Variants in DSCAM observed in about 807,000 individuals in gnomAD.
The protein encoded by DSCAM is DS cell adhesion molecule.
A neutral mutation model predicts 217.7 loss-of-function variants in DSCAM; 47 were observed. The ratio of observed to expected loss-of-function variants is 0.22; its 90% CI spans 0.17 to 0.28. DSCAM has a LOEUF of 0.28. Ranked by LOEUF, DSCAM falls within the 10% of genes least tolerant of loss-of-function variation. The pLI is 1.00. For synonymous variants in DSCAM, 1,056 were observed against 1,015.3 expected (o/e 1.04, Z -0.76); for missense variants, 2,080 against 2,618.3 (o/e 0.79, Z 4.49).
rs762623187 is a variant in DSCAM, at chr21:40,093,808, G to A, written c.3763C>T (p.Arg1255Cys). ...SYRIPNLSRNRQYSVWVVAVT... is the reference protein window; with the variant it reads ...SYRIPNLSRNCQYSVWVVAVT... ...GCCACCACCCAGACGCTGTACTGACGATTCCTACTCAGGTTGGGAATTCTG... is the reference window on the plus strand; with the variant it reads ...GCCACCACCCAGACGCTGTACTGACAATTCCTACTCAGGTTGGGAATTCTG... The change falls in exon 21 of 33, where the codon CGT becomes TGT. Residue 1255 changes from arginine to cysteine, a missense_variant. Physicochemically the swap from Arg to Cys is radical, Grantham distance 180. Coordinates refer to ENST00000400454, the MANE Select transcript of DSCAM (RefSeq NM_001389.5). 7.4e-6 allele frequency: 12 copies of A among 1,613,810 alleles called. No individual in the cohort carries two copies. Among genetic ancestry groups the A allele is most frequent in the African/African-American group, 2.7e-5 (2 of 74,854 alleles).
chr21:40,670,308 T>C (rs560480895), intron 3 of DSCAM, among the ~76,000 whole-genome samples: 3 of 152,300 alleles, frequency 2.0e-5, no homozygotes, highest in East Asian at 3.9e-4. Context: ...TCTAACTTTC[T>C]GCCTCTGTAA....
At chr21:40,182,591 G>A (rs950194071) in intron 14 of DSCAM, among the ~76,000 whole-genome samples, 1 of 148,116 alleles carries the variant, frequency 6.8e-6, no homozygotes, top group South Asian at 2.2e-4. Flanking sequence ...GGACAGGAGG[G>A]GCCAGCAGAG....
chr21:40,737,592 G>C (rs974119439), intron 1 of DSCAM, among the ~76,000 whole-genome samples: 2 of 152,182 alleles, frequency 1.3e-5, no homozygotes, highest in Non-Finnish European at 2.9e-5. Context: ...AGTGAGCCGA[G>C]ATTGCACCAC....
At chr21:40,478,539 G>A (rs1429824765) in intron 3 of DSCAM, among the ~76,000 whole-genome samples, 1 of 152,114 alleles carries the variant, frequency 6.6e-6, no homozygotes. Flanking sequence ...GCCACTTTTT[G>A]TTACATATAA....
intron 3 of DSCAM, among the ~76,000 whole-genome samples, chr21:40,574,840 T>C (rs562176657): frequency 6.6e-6 from 1 of 152,096 alleles, no homozygotes; most frequent in South Asian, 2.1e-4. Context: ...CCCAAGTAGC[T>C]GGGATTACAG....
intron 2 of DSCAM, among the ~76,000 whole-genome samples, chr21:40,695,931 A>G (rs1180266905): frequency 6.6e-6 from 1 of 152,130 alleles, no homozygotes; most frequent in African/African-American, 2.4e-5. Flanking sequence ...ATTGCTGTCT[A>G]TGGCGATATA....
intron 2 of DSCAM, among the ~76,000 whole-genome samples, chr21:40,693,303 G>A (rs1260679862): frequency 1.3e-5 from 2 of 152,046 alleles, no homozygotes; most frequent in African/African-American, 2.4e-5. Flanking sequence ...GGGCATGGTG[G>A]TGTGTGATTG....
At chr21:40,459,903 T>A (rs1441163570) in intron 3 of DSCAM, among the ~76,000 whole-genome samples, 1 of 152,102 alleles carries the variant, frequency 6.6e-6, no homozygotes, top group Non-Finnish European at 1.5e-5. Context: ...CTGGAACTTG[T>A]GGAAAAAACT....
At chr21:40,562,466 A>G (rs1360951921) in intron 3 of DSCAM, among the ~76,000 whole-genome samples, 1 of 152,136 alleles carries the variant, frequency 6.6e-6, no homozygotes, top group Admixed American at 6.5e-5. Context: ...CTTCATAGCA[A>G]TGTACTTCAT....
At chr21:40,626,844 C>A (rs1341674036) in intron 3 of DSCAM, among the ~76,000 whole-genome samples, 1 of 152,168 alleles carries the variant, frequency 6.6e-6, no homozygotes, top group Non-Finnish European at 1.5e-5. Flanking sequence ...ATCAGGAGAA[C>A]AGAAGAAATA....
Position 40,511,998 on chromosome 21 carries a change from A to AG in DSCAM, c.509-142754_509-142753insC, listed in dbSNP as rs1486711933. Among the ~76,000 whole-genome samples the AG allele has an allele frequency of 2.7e-5, 4 of 147,826 alleles. No individual in the cohort carries two copies. In the East Asian group the frequency reaches 5.9e-4, roughly 22 times the overall value. On this transcript the variant is annotated intron_variant, in intron 3 of 32. Coordinates refer to ENST00000400454, the MANE Select transcript of DSCAM (RefSeq NM_001389.5). ...AGAGTGAGACTCTGTCTCAAAAAAA[A>AG]AAAAAAAAAAAAGTATTCTATTTGA...
At chr21:40,364,502 G>A (rs1243741675) in intron 4 of DSCAM, among the ~76,000 whole-genome samples, 1 of 144,552 alleles carries the variant, frequency 6.9e-6, no homozygotes, top group East Asian at 2.1e-4. Context: ...CACAGGAAGG[G>A]GAACATCACA....
chr21:40,366,656 T>C (rs1189826917), intron 4 of DSCAM, among the ~76,000 whole-genome samples: 1 of 152,228 alleles, frequency 6.6e-6, no homozygotes, highest in Admixed American at 6.5e-5. Context: ...TTGGGTTAAA[T>C]CTTTTTCCTT....
At position 40,012,965 on chromosome 21, in the gene DSCAM, T is replaced by TAA; in HGVS notation, c.*67_*68dup. ...TTTAATTATAAATATTGGAATTCCG[T>TAA]AAAAAAAAGGTAGCTTTGATTGAAT... is the stretch of plus-strand genomic sequence containing the variant. On this transcript the variant is annotated 3_prime_UTR_variant, in exon 33 of 33. Transcript: ENST00000400454. 1 of 1,160,588 alleles carries TAA rather than the reference T, an allele frequency of 8.6e-7. No homozygotes were observed. Among genetic ancestry groups the TAA allele is most frequent in the Non-Finnish European group, 1.1e-6 (1 of 886,144 alleles). 71.9% of individuals were successfully genotyped at this position (1,160,588 alleles called of 1,614,324 possible).
intron 1 of DSCAM, among the ~76,000 whole-genome samples, chr21:40,749,655 A>G (rs1175808543): frequency 6.6e-6 from 1 of 152,224 alleles, no homozygotes; most frequent in African/African-American, 2.4e-5. Flanking sequence ...CATTATGGAA[A>G]GAGGCATGAA....
intron 3 of DSCAM, among the ~76,000 whole-genome samples, chr21:40,606,944 C>T (rs917392327): frequency 2.0e-5 from 3 of 152,188 alleles, no homozygotes; most frequent in African/African-American, 7.2e-5. Flanking sequence ...TCTGTCTTTG[C>T]CTGCTGCCAT....
chr21:40,586,297 T>C (rs2076946641), intron 3 of DSCAM, among the ~76,000 whole-genome samples: 2 of 152,324 alleles, frequency 1.3e-5, no homozygotes, highest in South Asian at 4.1e-4. Flanking sequence ...TGCAGAACCA[T>C]AAGCCAAATG....
chr21:40,837,265 C>T (rs2092064541), intron 1 of DSCAM, among the ~76,000 whole-genome samples: 1 of 152,192 alleles, frequency 6.6e-6, no homozygotes, highest in East Asian at 1.9e-4. Flanking sequence ...ATTCTATATT[C>T]TTACTCTCCC....
chr21:40,100,548 T>A (rs190534913), intron 20 of DSCAM, among the ~76,000 whole-genome samples: 190 of 152,254 alleles, frequency 1.2e-3, no homozygotes, highest in African/African-American at 4.4e-3. Context: ...CTTCCAAATA[T>A]AGAGAATGTT....
Sources: gnomAD v4.1 joint callset for allele counts (sites outside exome capture counted in the v4.1 genomes callset) on GRCh38, gnomAD v4.1.1 for gene constraint, MANE v1.5 for transcripts, NCBI Gene and HGNC (gene_info 2026-07-23, HGNC 2026-07-21) for gene names.